WWOX: variants seen among roughly 807,000 people sequenced by gnomAD.
The protein encoded by WWOX is WW domain containing oxidoreductase.
WWOX carries 69 observed loss-of-function variants against 46.2 expected under a neutral mutation model. That is an observed-to-expected ratio of 1.49 (90% confidence interval 1.23 to 1.82). The LOEUF (loss-of-function observed/expected upper bound fraction) is 1.82, where lower values mean the gene tolerates loss of function less well. Ranked by LOEUF, WWOX falls within the 40% of genes most tolerant of loss-of-function variation. The pLI is 0.00. For missense variants in WWOX, 919 were observed against 542.6 expected (o/e 1.69, Z -6.89); for synonymous variants, 359 against 202.6 (o/e 1.77, Z -6.56).
intron 8 of WWOX, among the ~76,000 whole-genome samples, chr16:78,590,976 A>G (rs1300038692): frequency 6.6e-6 from 1 of 152,094 alleles, no homozygotes; most frequent in Non-Finnish European, 1.5e-5. Context: ...TTTGGTTGAG[A>G]TGCTCTGGGG....
chr16:78,839,220 A>T lies in WWOX; in HGVS notation c.1057-372388A>T, dbSNP rs562147615. On this transcript the variant is annotated intron_variant, in intron 8 of 8. Coordinates refer to ENST00000566780, the MANE Select transcript of WWOX (RefSeq NM_016373.4). ...CAAATCACCCACGAGCCCACCACCC[A>T]GAGAGAGTCACCTGCTCTATTTTGA... 1.1e-4 allele frequency among the ~76,000 whole-genome samples: 17 copies of T among 152,256 alleles called. No homozygotes were observed. In the South Asian group the frequency reaches 3.3e-3, roughly 30 times the overall value.
intron 8 of WWOX, among the ~76,000 whole-genome samples, chr16:79,010,580 T>A (rs1238771073): frequency 6.6e-6 from 1 of 151,992 alleles, no homozygotes; most frequent in East Asian, 1.9e-4. Flanking sequence ...GAAATAAATA[T>A]ATGATAAATA....
At chr16:78,285,409 G>C (rs935209513) in intron 5 of WWOX, among the ~76,000 whole-genome samples, 28 of 152,028 alleles carry the variant, frequency 1.8e-4, no homozygotes, top group South Asian at 6.3e-4. Flanking sequence ...ACTCCAGCTG[G>C]GTAACAGAGT....
chr16:78,809,479 C>G (rs1309723183), intron 8 of WWOX, among the ~76,000 whole-genome samples: 1 of 152,080 alleles, frequency 6.6e-6, no homozygotes, highest in African/African-American at 2.4e-5. Context: ...AAAGTTGAAG[C>G]CCATCCCTCT....
intron 8 of WWOX, among the ~76,000 whole-genome samples, chr16:78,641,246 T>C (rs992546472): frequency 1.3e-5 from 2 of 152,084 alleles, no homozygotes; most frequent in East Asian, 1.9e-4. Flanking sequence ...ATTTTTTTTT[T>C]CTAAAGGAAA....
At chr16:78,252,162 C>T (rs1195374779) in intron 5 of WWOX, among the ~76,000 whole-genome samples, 1 of 152,028 alleles carries the variant, frequency 6.6e-6, no homozygotes, top group Non-Finnish European at 1.5e-5. Flanking sequence ...CACTTGTCTC[C>T]CACATTGAAA....
At chr16:78,144,521 ATATTTT>A (rs1182136781) in intron 4 of WWOX, among the ~76,000 whole-genome samples, 28 of 24,336 alleles carry the variant, frequency 1.2e-3, no homozygotes, top group Admixed American at 8.9e-3. Flanking sequence ...ATATATATAT[ATATTTT>A]TTTTTTTTTT....
At chr16:78,854,293 T>G (rs891590148) in intron 8 of WWOX, among the ~76,000 whole-genome samples, 1 of 152,190 alleles carries the variant, frequency 6.6e-6, no homozygotes, top group African/African-American at 2.4e-5. Flanking sequence ...GCAGGTAACT[T>G]TATTTATTAT....
At chr16:78,468,264 C>CTTT (rs57174158) in intron 8 of WWOX, among the ~76,000 whole-genome samples, 75 of 136,690 alleles carry the variant, frequency 5.5e-4, no homozygotes, top group African/African-American at 1.9e-3. Context: ...GGCTGCCTTT[C>CTTT]TTTTTTTTTT....
At chr16:79,074,247 A>T (rs2048607639) in intron 8 of WWOX, among the ~76,000 whole-genome samples, 1 of 151,940 alleles carries the variant, frequency 6.6e-6, no homozygotes, top group Admixed American at 6.6e-5. Context: ...AAAAAATATA[A>T]TAAATCATCC....
chr16:78,634,537 C>G (rs2046517687), intron 8 of WWOX, among the ~76,000 whole-genome samples: 1 of 151,862 alleles, frequency 6.6e-6, no homozygotes, highest in East Asian at 1.9e-4. Flanking sequence ...GAAACCCCGT[C>G]TCTACTAAAA....
intron 5 of WWOX, among the ~76,000 whole-genome samples, chr16:78,201,171 A>G (rs186833694): frequency 1.3e-5 from 2 of 152,358 alleles, no homozygotes; most frequent in African/African-American, 2.4e-5. Context: ...TTAATGTGGC[A>G]GTGTATTCCT....
intron 8 of WWOX, among the ~76,000 whole-genome samples, chr16:78,574,175 C>A (rs1020583924): frequency 6.6e-6 from 1 of 152,210 alleles, no homozygotes; most frequent in African/African-American, 2.4e-5. Context: ...AAGCAGCTTC[C>A]TTCATCAAGC....
intron 8 of WWOX, among the ~76,000 whole-genome samples, chr16:78,876,209 C>CT (rs5818183): frequency 2.7e-4 from 40 of 148,222 alleles, no homozygotes; most frequent in South Asian, 4.2e-4. Context: ...TTTTTCCTTT[C>CT]TTTTTTTTTT....
chr16:79,063,639 C>T (rs1168489792), intron 8 of WWOX, among the ~76,000 whole-genome samples: 3 of 152,200 alleles, frequency 2.0e-5, no homozygotes, highest in African/African-American at 7.2e-5. Flanking sequence ...AACACTGACT[C>T]TTGCGCGCTA....
intron 8 of WWOX, among the ~76,000 whole-genome samples, chr16:78,771,906 A>C (rs755823024): frequency 6.6e-6 from 1 of 152,228 alleles, no homozygotes; most frequent in African/African-American, 2.4e-5. Context: ...TGTTACATAC[A>C]TTGTACTACA....
Position 78,261,788 on chromosome 16 carries a change from C to CTAGATATATA in WWOX, c.516+97501_516+97502insGATATATATA, listed in dbSNP as rs1491587303. On this transcript the variant is annotated intron_variant, in intron 5 of 8. Transcript: ENST00000566780. Reference sequence around the variant, plus strand: ...TCTATCTATGTATCTATCTATCTATCTATATATATATATATATATATATAT... The same window carrying CTAGATATATA: ...TCTATCTATGTATCTATCTATCTATCTAGATATATATATATATATATATATATATATATAT... 8.0e-4 allele frequency among the ~76,000 whole-genome samples: 59 copies of CTAGATATATA among 73,738 alleles called. 1 individual carries two copies. Among genetic ancestry groups the CTAGATATATA allele is most frequent in the African/African-American group, 1.9e-3 (33 of 17,442 alleles). 48.4% of individuals were successfully genotyped at this position (73,738 alleles called of 152,430 possible). A position where few individuals can be genotyped will look rare whatever the true frequency, so the allele number is the denominator to read the frequency against.
intron 4 of WWOX, among the ~76,000 whole-genome samples, chr16:78,152,539 C>T (rs2034454546): frequency 6.6e-6 from 1 of 152,126 alleles, no homozygotes; most frequent in Non-Finnish European, 1.5e-5. Flanking sequence ...GCCTGGTTGC[C>T]CCACATCTTT....
At chr16:78,930,657 G>C (rs921079966) in intron 8 of WWOX, among the ~76,000 whole-genome samples, 2 of 149,540 alleles carry the variant, frequency 1.3e-5, no homozygotes, top group East Asian at 2.0e-4. Flanking sequence ...TGGGTTTCCT[G>C]TTAATTGCAG....
Sources: allele counts gnomAD v4.1 joint callset (sites outside exome capture counted in the v4.1 genomes callset), GRCh38; gene constraint gnomAD v4.1.1; transcripts MANE v1.5; gene names NCBI Gene and HGNC (gene_info 2026-07-23, HGNC 2026-07-21).